The following CRIM1 variants were observed in gnomAD, a reference collection of about 807,000 sequenced individuals.
The protein encoded by CRIM1 is cysteine rich transmembrane BMP regulator 1, also known as cysteine-rich motor neuron 1 protein.
CRIM1 carries 32 observed loss-of-function variants against 116.4 expected under a neutral mutation model. The observed-to-expected ratio is 0.27, with a 90% CI of 0.21 to 0.37. CRIM1 has a LOEUF of 0.37. CRIM1 is among the 10% of genes least tolerant of loss of function. The probability of loss-of-function intolerance (pLI) is 1.00; values close to 1 mark genes in which losing one functional copy is unlikely to be tolerated. For missense variants in CRIM1, 1,331 were observed against 1,354.8 expected (o/e 0.98, Z 0.28); for synonymous variants, 590 against 509.2 (o/e 1.16, Z -2.13).
intron 5 of CRIM1, among the ~76,000 whole-genome samples, chr2:36,469,932 C>A (rs1678359621): frequency 6.6e-6 from 1 of 151,970 alleles, no homozygotes; most frequent in African/African-American, 2.4e-5. Flanking sequence ...TGTCCTCCAG[C>A]ACACACACAC....
chr2:36,417,074 T>C (rs1673675959), intron 2 of CRIM1, among the ~76,000 whole-genome samples: 1 of 152,184 alleles, frequency 6.6e-6, no homozygotes, highest in South Asian at 2.1e-4. Context: ...GCCACTCCCA[T>C]TGGACTCTGT....
At chr2:36,404,286 C>G (rs1672624494) in intron 2 of CRIM1, among the ~76,000 whole-genome samples, 1 of 152,138 alleles carries the variant, frequency 6.6e-6, no homozygotes, top group Non-Finnish European at 1.5e-5. Flanking sequence ...CTAATTTATA[C>G]TCCCTTGTTC....
At chr2:36,437,374 C>CA (rs942127037) in intron 2 of CRIM1, among the ~76,000 whole-genome samples, 2,337 of 130,408 alleles carry the variant, frequency 0.018, 48 homozygotes, top group African/African-American at 0.053. Context: ...GACTCCATCT[C>CA]AAAAAAAAAA....
At chr2:36,398,530 A>G (rs1672199126) in intron 2 of CRIM1, among the ~76,000 whole-genome samples, 1 of 152,234 alleles carries the variant, frequency 6.6e-6, no homozygotes, top group Admixed American at 6.5e-5. Context: ...TGATTCTAAA[A>G]AGGCTGTTTG....
rs1677157830 is a variant in CRIM1 at position 36,456,671 on chromosome 2, A to G, written c.870-7863A>G. On this transcript the variant is annotated intron_variant, in intron 4 of 16. Transcript: ENST00000280527. ...CTCGATGTGTGATATCGGATTGTTG[A>G]GCTGGACTGAGTGGCCCAGGATTTC... 5.3e-5 allele frequency among the ~76,000 whole-genome samples: 8 copies of G among 152,220 alleles called. No homozygotes were observed. The South Asian group carries it at 1.5e-3, about 28-fold the overall frequency.
At chr2:36,406,633 C>CA (rs1323409826) in intron 2 of CRIM1, among the ~76,000 whole-genome samples, 3 of 118,210 alleles carry the variant, frequency 2.5e-5, no homozygotes, top group African/African-American at 3.6e-5. Context: ...CCCCCCCCCC[C>CA]AAAAAAAAAC....
At chr2:36,442,282 G>A (rs942701134) in intron 3 of CRIM1, among the ~76,000 whole-genome samples, 3 of 151,360 alleles carry the variant, frequency 2.0e-5, no homozygotes, top group African/African-American at 7.3e-5. Flanking sequence ...AACGCTCCAA[G>A]CAAAGTGATC....
At chr2:36,397,609 T>C (rs572364553) in intron 2 of CRIM1, among the ~76,000 whole-genome samples, 163 of 152,270 alleles carry the variant, frequency 1.1e-3, no homozygotes, top group African/African-American at 3.7e-3. Context: ...GATGTCGTTG[T>C]AAGATGGAGT....
chr2:36,511,910 C>T (rs1422079541), intron 9 of CRIM1, among the ~76,000 whole-genome samples: 1 of 152,178 alleles, frequency 6.6e-6, no homozygotes, highest in Non-Finnish European at 1.5e-5. Context: ...GATGGAGAAA[C>T]AAATGAGTAC....
chr2:36,530,851 C>A (rs1666066241), intron 13 of CRIM1, among the ~76,000 whole-genome samples: 1 of 152,140 alleles, frequency 6.6e-6, no homozygotes, highest in Non-Finnish European at 1.5e-5. Flanking sequence ...GCGTCTTTTC[C>A]AGACACTGGG....
At position 36,522,158 on chromosome 2, in the gene CRIM1, G is replaced by C. The variant is rs780941647; in HGVS notation, c.2273G>C (p.Gly758Ala). 50 of 1,614,148 alleles carry C rather than the reference G, an allele frequency of 3.1e-5. No homozygotes were observed. Among genetic ancestry groups the C allele is most frequent in the Non-Finnish European group, 4.1e-5 (48 of 1,180,022 alleles). The change falls in exon 13 of 17, where the codon GGG (glycine) becomes GCG (alanine). Residue 758 changes from glycine to alanine, a missense_variant. Physicochemically the swap from Gly to Ala is moderately conservative, Grantham distance 60. Transcript: ENST00000280527. Reference protein sequence around the residue: ...SVPNYCKNDEGDIFLAAESWK... With the variant: ...SVPNYCKNDEADIFLAAESWK... ...CCTAATTACTGCAAAAATGATGAAGGGGATATATTCCTGGCAGCTGAGTCC... is the reference window on the plus strand; with the variant it reads ...CCTAATTACTGCAAAAATGATGAAGCGGATATATTCCTGGCAGCTGAGTCC...
intron 4 of CRIM1, among the ~76,000 whole-genome samples, chr2:36,460,983 AG>A (rs1224094761): frequency 6.6e-6 from 1 of 152,202 alleles, no homozygotes; most frequent in Non-Finnish European, 1.5e-5. Context: ...ACTTATTTGG[AG>A]AAAAGAGCAT....
intron 2 of CRIM1, among the ~76,000 whole-genome samples, chr2:36,425,975 C>A (rs1237889325): frequency 6.6e-6 from 1 of 152,134 alleles, no homozygotes; most frequent in Non-Finnish European, 1.5e-5. Flanking sequence ...TGGTGACAAG[C>A]CAACCACCCA....
At chr2:36,433,916 G>A (rs1482015960) in intron 2 of CRIM1, among the ~76,000 whole-genome samples, 1 of 151,960 alleles carries the variant, frequency 6.6e-6, no homozygotes, top group Non-Finnish European at 1.5e-5. Flanking sequence ...CCTAAATTCG[G>A]AGTCTTAAGA....
chr2:36,397,916 C>T (rs935123671), intron 2 of CRIM1, among the ~76,000 whole-genome samples: 3 of 152,176 alleles, frequency 2.0e-5, no homozygotes, highest in Admixed American at 6.5e-5. Flanking sequence ...TGAGTTTCCA[C>T]GCATTTGATG....
chr2:36,492,316 A>G (rs1162312860), intron 7 of CRIM1, among the ~76,000 whole-genome samples: 1 of 152,194 alleles, frequency 6.6e-6, no homozygotes, highest in Non-Finnish European at 1.5e-5. Context: ...GAAGTGTACA[A>G]AGGGAAAAAG....
chr2:36,522,263 C>T lies in CRIM1; in HGVS notation c.2378C>T (p.Ser793Phe). 1 of 1,614,140 alleles carries T rather than the reference C, an allele frequency of 6.2e-7. No individual in the cohort carries two copies. The highest frequency in any genetic ancestry group is 8.5e-7 in the Non-Finnish European group (1 of 1,180,032). The change falls in exon 13 of 17, where the codon TCC becomes TTC. Residue 793 changes from serine to phenylalanine, a missense_variant. Physicochemically the swap from Ser to Phe is radical, Grantham distance 155. Around this residue, in one of 3 missense-constraint regions of CRIM1, gnomAD observed 358 missense variants for 436.1 expected, o/e 0.82. Coordinates refer to ENST00000280527, the MANE Select transcript of CRIM1 (RefSeq NM_016441.3). ...TTCTCTGAGTCCTGCCCTTCTGTATCCTGTGAAAGACCTGTCTTGAGAAAA... is the reference window on the plus strand; with the variant it reads ...TTCTCTGAGTCCTGCCCTTCTGTATTCTGTGAAAGACCTGTCTTGAGAAAA... ...SCFSESCPSVSCERPVLRKGQ... is the reference protein window; with the variant it reads ...SCFSESCPSVFCERPVLRKGQ...
intron 1 of CRIM1, among the ~76,000 whole-genome samples, chr2:36,371,011 C>CTT (rs1364574717): frequency 6.6e-6 from 1 of 152,124 alleles, no homozygotes; most frequent in Non-Finnish European, 1.5e-5. Flanking sequence ...GACAAAGACC[C>CTT]TTTGAGAGCT....
At chr2:36,361,527 A>G (rs1187545961) in intron 1 of CRIM1, among the ~76,000 whole-genome samples, 1 of 152,148 alleles carries the variant, frequency 6.6e-6, no homozygotes, top group Non-Finnish European at 1.5e-5. Flanking sequence ...AGATGACCCT[A>G]AGGAGGTAAT....
Sources: allele counts gnomAD v4.1 joint callset (sites outside exome capture counted in the v4.1 genomes callset), GRCh38; gene constraint gnomAD v4.1.1; regional missense constraint gnomAD v4.1.1; transcripts MANE v1.5; gene names NCBI Gene and HGNC (gene_info 2026-07-23, HGNC 2026-07-21).